SUPT3H: variants seen among roughly 807,000 people sequenced by gnomAD.
SUPT3H encodes the protein SPT3 homolog, SAGA and STAGA complex component, also known as transcription initiation protein SPT3 homolog.
In SUPT3H, 44 loss-of-function variants were observed where a neutral mutation model predicts 44.3. The observed-to-expected ratio is 0.99, with a 90% confidence interval of 0.78 to 1.28. The LOEUF (loss-of-function observed/expected upper bound fraction) is 1.28, where lower values mean the gene tolerates loss of function less well. SUPT3H is among the 50% of genes most tolerant of loss of function. The pLI is 0.00. For synonymous variants in SUPT3H, 124 were observed against 125.6 expected (o/e 0.99, Z 0.09); for missense variants, 380 against 387.1 (o/e 0.98, Z 0.15).
intron 11 of SUPT3H, among the ~76,000 whole-genome samples, chr6:44,819,359 CTG>C (rs932447872): frequency 2.0e-5 from 3 of 151,930 alleles, no homozygotes; most frequent in Non-Finnish European, 2.9e-5. Context: ...CATGAAAAAA[CTG>C]TTTTGGGTTC....
At chr6:44,880,832 TTCA>T (rs200405897) in intron 10 of SUPT3H, among the ~76,000 whole-genome samples, 2,708 of 152,240 alleles carry the variant, frequency 0.018, 53 homozygotes, top group South Asian at 0.092. Flanking sequence ...CAAACTAAGC[TTCA>T]TAAGTGAAGG....
intron 2 of SUPT3H, among the ~76,000 whole-genome samples, chr6:45,186,527 A>G (rs1176698570): frequency 1.3e-5 from 2 of 152,246 alleles, no homozygotes; most frequent in Admixed American, 1.3e-4. Flanking sequence ...TCAATGTTAG[A>G]GTGGAGATGA....
chr6:45,017,226 T>C (rs1174587713), intron 4 of SUPT3H, among the ~76,000 whole-genome samples: 1 of 150,334 alleles, frequency 6.7e-6, no homozygotes, highest in Non-Finnish European at 1.5e-5. Context: ...TTTGAGTTCA[T>C]TGTAGATTCT....
chr6:44,959,891 G>T (rs1221636364), intron 7 of SUPT3H, among the ~76,000 whole-genome samples: 2 of 152,104 alleles, frequency 1.3e-5, no homozygotes, highest in African/African-American at 4.8e-5. Flanking sequence ...ACACTCTGAC[G>T]AGTGCAGGAA....
rs1360808373 is a variant in SUPT3H at position 45,095,533 on chromosome 6, G to A, written c.186+10389C>T. Among the ~76,000 whole-genome samples the A allele has an allele frequency of 2.0e-5, 3 of 152,094 alleles. No homozygotes were observed. The highest frequency in any genetic ancestry group is 4.4e-5 in the Non-Finnish European group (3 of 68,002). ...CTTTATTACTTTTCATAATTAAGGA[G>A]AATTAGCTAAACATGATAAATTGGT... is the stretch of plus-strand genomic sequence containing the variant. On this transcript the variant is annotated intron_variant, in intron 3 of 10. Transcript: ENST00000371459. The surrounding 1 kb of genome is among the most constrained non-coding windows in gnomAD (Gnocchi z 4.1).
chr6:45,157,924 C>A (rs1403306359), intron 2 of SUPT3H, among the ~76,000 whole-genome samples: 4 of 151,224 alleles, frequency 2.6e-5, no homozygotes, highest in African/African-American at 9.7e-5. Flanking sequence ...TCATGATCAG[C>A]ATTCTAAAAA....
chr6:45,345,633 T>C (rs1354919712), intron 2 of SUPT3H, among the ~76,000 whole-genome samples: 1 of 152,160 alleles, frequency 6.6e-6, no homozygotes, highest in Non-Finnish European at 1.5e-5. Flanking sequence ...TCACTTACAC[T>C]TGCTTGCTAT....
At chr6:45,163,475 T>A (rs866181305) in intron 2 of SUPT3H, among the ~76,000 whole-genome samples, 3 of 152,286 alleles carry the variant, frequency 2.0e-5, no homozygotes, top group African/African-American at 7.2e-5. Context: ...TTTCTATTTT[T>A]AAAAAAACTT....
At chr6:45,042,972 C>A (rs1022898382) in intron 3 of SUPT3H, among the ~76,000 whole-genome samples, 1 of 152,098 alleles carries the variant, frequency 6.6e-6, no homozygotes, top group Non-Finnish European at 1.5e-5. Flanking sequence ...TACCCTTTCT[C>A]AACATTTTGT....
At chr6:44,885,451 G>A (rs754232124) in intron 10 of SUPT3H, among the ~76,000 whole-genome samples, 6 of 152,054 alleles carry the variant, frequency 3.9e-5, no homozygotes, top group Non-Finnish European at 8.8e-5. Context: ...CAGCATTCGC[G>A]GTTCACAAAA....
intron 3 of SUPT3H, among the ~76,000 whole-genome samples, chr6:45,058,175 G>A (rs9367214): frequency 0.58 from 87,655 of 151,834 alleles, 26,123 homozygotes; most frequent in African/African-American, 0.73. Context: ...TAAGACAAGA[G>A]ATGAAGCAAG....
intron 2 of SUPT3H, among the ~76,000 whole-genome samples, chr6:45,321,629 TCTA>T (rs1222208083): frequency 2.6e-5 from 4 of 152,144 alleles, no homozygotes; most frequent in African/African-American, 9.7e-5. Flanking sequence ...ACTATGCAGC[TCTA>T]CTTTCAATCT....
chr6:45,346,739 A>G (rs1562994325), intron 2 of SUPT3H, among the ~76,000 whole-genome samples: 1 of 151,560 alleles, frequency 6.6e-6, no homozygotes, highest in Admixed American at 6.6e-5. Flanking sequence ...TAATTTTTAT[A>G]TTTTTTTAGT....
rs114177919 is a variant in SUPT3H at position 45,004,309 on chromosome 6, T to G, written c.365-517A>C. On this transcript the variant is annotated intron_variant, in intron 5 of 10. Transcript: ENST00000371459. The stretch of plus-strand genomic sequence containing the variant: ...TTTTAAACGGCCATAAACTTTTATG[T>G]AACAAAATAATAGCAAAATGAATAA... Among the ~76,000 whole-genome samples, 1,314 of 152,104 alleles carry G rather than the reference T, an allele frequency of 8.6e-3. 18 individuals carry two copies. The highest frequency in any genetic ancestry group is 0.03 in the African/African-American group (1,235 of 41,532).
intron 3 of SUPT3H, among the ~76,000 whole-genome samples, chr6:45,022,263 G>A (rs1785249671): frequency 6.6e-6 from 1 of 151,952 alleles, no homozygotes; most frequent in Admixed American, 6.6e-5. Context: ...TCCCTAAATA[G>A]TTTTCTCAAT....
chr6:45,038,023 G>A (rs976341847), intron 3 of SUPT3H, among the ~76,000 whole-genome samples: 1 of 152,080 alleles, frequency 6.6e-6, no homozygotes, highest in Non-Finnish European at 1.5e-5. Flanking sequence ...AATTTTAACT[G>A]GGGCTCATAG....
intron 2 of SUPT3H, among the ~76,000 whole-genome samples, chr6:45,228,080 G>A (rs1468019283): frequency 6.6e-6 from 1 of 152,106 alleles, no homozygotes; most frequent in Non-Finnish European, 1.5e-5. Flanking sequence ...ACTTCTACAG[G>A]TGAATCATTT....
chr6:45,061,639 T>G (rs1194337904), intron 3 of SUPT3H, among the ~76,000 whole-genome samples: 1 of 152,198 alleles, frequency 6.6e-6, no homozygotes, highest in African/African-American at 2.4e-5. Context: ...AATTAGGGAT[T>G]GTTTATGCTT....
chr6:45,369,695 T>C (rs999992215), intron 1 of SUPT3H, among the ~76,000 whole-genome samples: 2 of 152,156 alleles, frequency 1.3e-5, no homozygotes, highest in African/African-American at 4.8e-5. Context: ...GGGCACCTAC[T>C]ACAGGCCAAA....
Sources: allele counts gnomAD v4.1 joint callset (sites outside exome capture counted in the v4.1 genomes callset), GRCh38; gene constraint gnomAD v4.1.1; non-coding constraint Gnocchi (gnomAD v3.1); transcripts MANE v1.5; gene names NCBI Gene and HGNC (gene_info 2026-07-23, HGNC 2026-07-21).